The following CTBP2 variants were observed in gnomAD, a reference collection of about 807,000 sequenced individuals.
CTBP2 encodes the protein C-terminal binding protein 2.
CTBP2 carries 30 observed loss-of-function variants against 80.3 expected under a neutral mutation model. The ratio of observed to expected loss-of-function variants is 0.37; its 90% CI spans 0.28 to 0.51. CTBP2 has a LOEUF of 0.51. Ranked by LOEUF, CTBP2 falls within the 20% of genes least tolerant of loss-of-function variation. The pLI, the probability that CTBP2 is intolerant of heterozygous loss-of-function variation, is 0.93. For synonymous variants in CTBP2, 594 were observed against 587.4 expected, an observed-to-expected ratio of 1.01 and a Z score of -0.16; for missense variants, 1,212 against 1,375.3, an observed-to-expected ratio of 0.88 and a Z score of 1.88.
Position 125,131,385 on chromosome 10 carries a change from G to A in CTBP2, c.-205-20292C>T, listed in dbSNP as rs552676543. On this transcript the variant is annotated intron_variant, in intron 1 of 10. Transcript: ENST00000337195. ...CTAGCCGAACCCAAAGTGTTTAGGT[G>A]GATGCCATTTGGGTAGGTGTGAGGC... is the stretch of plus-strand genomic sequence containing the variant. 3.9e-5 allele frequency among the ~76,000 whole-genome samples: 6 copies of A among 152,298 alleles called. No individual in the cohort carries two copies. In the East Asian group the frequency reaches 9.6e-4, roughly 24 times the overall value.
At chr10:125,098,657 G>GGAGAGA (rs565818097) in intron 2 of CTBP2, among the ~76,000 whole-genome samples, 7 of 44,992 alleles carry the variant, frequency 1.6e-4, no homozygotes, top group Non-Finnish European at 2.5e-4. Context: ...TGGGGGAGGG[G>GGAGAGA]GAGAGAGAGA....
At chr10:125,069,205 C>T (rs1845087565) in intron 2 of CTBP2, among the ~76,000 whole-genome samples, 3 of 152,160 alleles carry the variant, frequency 2.0e-5, no homozygotes, top group Non-Finnish European at 4.4e-5. Flanking sequence ...CAAATCAGGA[C>T]CTTCTATTGA....
chr10:125,098,645 A>C (rs1337143362), intron 2 of CTBP2, among the ~76,000 whole-genome samples: 2 of 109,048 alleles, frequency 1.8e-5, no homozygotes, highest in East Asian at 3.3e-4. Context: ...CAGAGAGAGA[A>C]ATGGGGGAGG....
At chr10:125,043,932 G>A (rs866424281) in intron 2 of CTBP2, among the ~76,000 whole-genome samples, 4 of 152,182 alleles carry the variant, frequency 2.6e-5, no homozygotes, top group African/African-American at 7.2e-5. Context: ...AAGGCAGACC[G>A]AGTTTCACAA....
At chr10:125,009,136 C>T (rs368459602) in intron 1 of CTBP2, among the ~76,000 whole-genome samples, 2 of 152,184 alleles carry the variant, frequency 1.3e-5, no homozygotes, top group East Asian at 1.9e-4. Context: ...GGTGAACTCT[C>T]GTGGGAAAAC....
chr10:125,064,708 G>C (rs1260616856), intron 2 of CTBP2, among the ~76,000 whole-genome samples: 1 of 152,204 alleles, frequency 6.6e-6, no homozygotes, highest in Non-Finnish European at 1.5e-5. Context: ...ATCCACCCAG[G>C]AGACTTCACC....
intron 2 of CTBP2, among the ~76,000 whole-genome samples, chr10:125,043,167 G>A (rs2936546): frequency 0.53 from 80,654 of 152,044 alleles, 21,680 homozygotes; most frequent in Admixed American, 0.63. Flanking sequence ...TTTTGAAGAC[G>A]TGAGAGAACA....
At chr10:125,135,145 T>G (rs1693624) in intron 1 of CTBP2, among the ~76,000 whole-genome samples, 1 of 151,842 alleles carries the variant, frequency 6.6e-6, no homozygotes, top group Non-Finnish European at 1.5e-5. Flanking sequence ...TCCTGCACCC[T>G]GGGAGGAAAC....
At chr10:125,048,014 G>A (rs1188312579) in intron 2 of CTBP2, among the ~76,000 whole-genome samples, 2 of 152,130 alleles carry the variant, frequency 1.3e-5, no homozygotes, top group African/African-American at 2.4e-5. Context: ...CTGATTTTAT[G>A]GGGCCTCTAC....
intron 2 of CTBP2, among the ~76,000 whole-genome samples, chr10:125,079,690 T>G (rs1032787820): frequency 2.0e-5 from 3 of 152,220 alleles, no homozygotes; most frequent in African/African-American, 7.2e-5. Context: ...CACAGGAAAA[T>G]GTATTGTCAT....
At chr10:124,995,112 C>T (rs1953293911) in intron 4 of CTBP2, among the ~76,000 whole-genome samples, 1 of 152,204 alleles carries the variant, frequency 6.6e-6, no homozygotes, top group African/African-American at 2.4e-5. Flanking sequence ...CTCAATGTCA[C>T]AGGGAGTAAT....
intron 2 of CTBP2, among the ~76,000 whole-genome samples, chr10:125,086,283 G>A (rs1308337735): frequency 1.3e-5 from 2 of 152,128 alleles, no homozygotes; most frequent in Non-Finnish European, 2.9e-5. Flanking sequence ...TGTAATCCTA[G>A]CACTTTGGGA....
intron 2 of CTBP2, among the ~76,000 whole-genome samples, chr10:125,076,095 C>T (rs894522017): frequency 2.0e-5 from 3 of 152,100 alleles, no homozygotes; most frequent in Admixed American, 6.5e-5. Context: ...AAATGAACTA[C>T]TCCCTCCCTC....
At chr10:125,060,858 G>C (rs1964836245) in intron 2 of CTBP2, among the ~76,000 whole-genome samples, 1 of 152,360 alleles carries the variant, frequency 6.6e-6, no homozygotes, top group South Asian at 2.1e-4. Flanking sequence ...CGCAGCTGGA[G>C]ACCCCTCTTG....
At position 125,065,728 on chromosome 10, in the gene CTBP2, G is replaced by A. The variant is rs974777487; in HGVS notation, c.-101-26573C>T. On this transcript the variant is annotated intron_variant, in intron 2 of 10. Transcript: ENST00000337195. ...AATCCCACTAAATTTACATCCATTC[G>A]TGCTCCATATGAAGAAGCTGAGGGT... Among the ~76,000 whole-genome samples the A allele has an allele frequency of 2.6e-5, 4 of 152,120 alleles. No homozygotes were observed. In the East Asian group the frequency reaches 7.7e-4, roughly 29 times the overall value.
In CTBP2 at chr10:125,087,627, G is replaced by A. The variant is rs561781887; in HGVS notation, c.-102+23363C>T. On this transcript the variant is annotated intron_variant, in intron 2 of 10. Transcript: ENST00000337195. ...CCCCCCACTTAGTCCTCATTTTCTC[G>A]AGTCCTTCAGTTTGACCAACAATCA... is the stretch of plus-strand genomic sequence containing the variant. 1.2e-3 allele frequency among the ~76,000 whole-genome samples: 175 copies of A among 152,130 alleles called. 1 individual carries two copies. The highest frequency in any genetic ancestry group is 3.4e-3 in the Middle Eastern group (1 of 294).
chr10:125,097,888 A>T (rs1320529385), intron 2 of CTBP2, among the ~76,000 whole-genome samples: 2 of 152,122 alleles, frequency 1.3e-5, no homozygotes, highest in Admixed American at 1.3e-4. Flanking sequence ...AGGCCAAGGC[A>T]GGTGGATCAT....
chr10:125,022,586 C>T (rs945398360), intron 1 of CTBP2, among the ~76,000 whole-genome samples: 1 of 152,244 alleles, frequency 6.6e-6, no homozygotes, highest in African/African-American at 2.4e-5. Flanking sequence ...CTGCCCAGGG[C>T]AGTGGTCTGT....
chr10:125,151,659 C>T (rs1859903974), intron 1 of CTBP2, among the ~76,000 whole-genome samples: 1 of 152,238 alleles, frequency 6.6e-6, no homozygotes, highest in Non-Finnish European at 1.5e-5. Context: ...AGTCCGCGAC[C>T]GCTGCGGGGT....
Sources: allele counts gnomAD v4.1 joint callset (sites outside exome capture counted in the v4.1 genomes callset), GRCh38; gene constraint gnomAD v4.1.1; transcripts MANE v1.5; gene names NCBI Gene and HGNC (gene_info 2026-07-23, HGNC 2026-07-21).